The following CIBAR2 variants were observed in gnomAD, a reference collection of about 807,000 sequenced individuals.
CIBAR2 encodes CBY1 interacting BAR domain containing 2.
In CIBAR2, 38 loss-of-function variants were observed where a neutral mutation model predicts 36.2. The observed-to-expected ratio is 1.05, with a 90% confidence interval of 0.81 to 1.38. The LOEUF is 1.38. Ranked by LOEUF, CIBAR2 falls within the 40% of genes most tolerant of loss-of-function variation. The pLI is 0.00. For missense variants in CIBAR2, 481 were observed against 383.4 expected (o/e 1.25, Z -2.13); for synonymous variants, 182 against 149.5 (o/e 1.22, Z -1.58).
At chr16:85,111,041 C>A (rs576822853) in intron 1 of CIBAR2, among the ~76,000 whole-genome samples, 6 of 152,192 alleles carry the variant, frequency 3.9e-5, no homozygotes, top group African/African-American at 1.4e-4. Context: ...CCGGCGCCCC[C>A]CTGCAGCAGG....
intron 1 of CIBAR2, among the ~76,000 whole-genome samples, chr16:85,112,100 G>A (rs2074047215): frequency 6.6e-6 from 1 of 152,210 alleles, no homozygotes; most frequent in East Asian, 1.9e-4. Context: ...CAGATACACA[G>A]GCAGCGATGC....
Position 85,099,049 on chromosome 16 carries a change from C to G in CIBAR2, c.*136G>C. On this transcript the variant is annotated 3_prime_UTR_variant, in exon 9 of 9. Coordinates refer to ENST00000539556, the MANE Select transcript of CIBAR2 (RefSeq NM_198491.3). ...ATTGAACAAGTAGAAGAAGGAAATT[C>G]AGAGCTTGAAGACAAGGTCTTTGAA... 1 of 1,065,366 alleles carries G rather than the reference C, an allele frequency of 9.4e-7. No homozygotes were observed. The highest frequency in any genetic ancestry group is 3.0e-5 in the East Asian group (1 of 33,600). 66.0% of individuals were successfully genotyped at this position (1,065,366 alleles called of 1,614,324 possible). A position where few individuals can be genotyped will look rare whatever the true frequency, so the allele number is the denominator to read the frequency against.
At chr16:85,107,151 A>G (rs1002200242) in intron 5 of CIBAR2, among the ~76,000 whole-genome samples, 2 of 151,790 alleles carry the variant, frequency 1.3e-5, no homozygotes, top group Non-Finnish European at 2.9e-5. Context: ...TGTCTCTCAA[A>G]AAAAAGGGGG....
At chr16:85,108,196 C>T in intron 2 of CIBAR2, 97 bp from the exon 3 acceptor site, 5 of 1,184,010 alleles carry the variant, frequency 4.2e-6, no homozygotes, top group Non-Finnish European at 5.9e-6. Flanking sequence ...AGCCGCGTGT[C>T]CAGAGCTGTG....
chr16:85,105,137 C>T (rs1299316397), intron 6 of CIBAR2, among the ~76,000 whole-genome samples, 190 bp downstream of exon 6: 3 of 152,232 alleles, frequency 2.0e-5, no homozygotes, highest in African/African-American at 7.2e-5. Context: ...CTCTGATGCC[C>T]TGTGGCCAGG....
At chr16:85,105,960 G>C (rs1280557666) in intron 5 of CIBAR2, among the ~76,000 whole-genome samples, 7 of 152,224 alleles carry the variant, frequency 4.6e-5, no homozygotes, top group Non-Finnish European at 8.8e-5. Flanking sequence ...TTAACTGCCT[G>C]TGTGACCTTG....
chr16:85,109,094 G>C (rs914416332), intron 2 of CIBAR2, among the ~76,000 whole-genome samples: 1 of 151,652 alleles, frequency 6.6e-6, no homozygotes, highest in East Asian at 2.0e-4. Flanking sequence ...GCCGTGAGAA[G>C]TTTTATTTTT....
chr16:85,102,294 C>A lies in CIBAR2; in HGVS notation c.571G>T (p.Val191Phe), dbSNP rs779231383. 1.9e-6 allele frequency: 3 copies of A among 1,613,452 alleles called. No individual in the cohort carries two copies. The highest frequency in any genetic ancestry group is 1.7e-6 in the Non-Finnish European group (2 of 1,179,470). The change falls in exon 7 of 9, where the codon GTT becomes TTT. Residue 191 changes from valine (V) to phenylalanine (F), a missense_variant. Transcript: ENST00000539556. ...FFCDFVTIEM[V>F]FHAKAVEVYS... ...ACCTCCACCGCTTTGGCATGGAAAACCATCTCAATAGTTACAAAGTCACAA... is the reference window on the plus strand; with the variant it reads ...ACCTCCACCGCTTTGGCATGGAAAAACATCTCAATAGTTACAAAGTCACAA...
At chr16:85,111,255 C>T (rs1392495938) in intron 1 of CIBAR2, among the ~76,000 whole-genome samples, 5 of 152,164 alleles carry the variant, frequency 3.3e-5, no homozygotes, top group African/African-American at 4.8e-5. Context: ...CCCTCTGTCC[C>T]GACAGACCCT....
intron 5 of CIBAR2, among the ~76,000 whole-genome samples, chr16:85,106,376 C>T (rs2073995953): frequency 6.6e-6 from 1 of 152,186 alleles, no homozygotes; most frequent in Admixed American, 6.5e-5. Context: ...CAATATGCCC[C>T]TTCCAAGGCA....
intron 7 of CIBAR2, among the ~76,000 whole-genome samples, chr16:85,101,036 A>T (rs1167112832): frequency 1.4e-5 from 2 of 144,474 alleles, no homozygotes; most frequent in African/African-American, 2.7e-5. Context: ...ACACAGCGAG[A>T]CTCCGTCTCA....
In CIBAR2 at chr16:85,108,087, C is replaced by T; in HGVS notation, c.268G>A (p.Glu90Lys). The T allele has an allele frequency of 1.9e-6, 3 of 1,611,966 alleles. No homozygotes were observed. Among genetic ancestry groups the T allele is most frequent in the Non-Finnish European group, 2.5e-6 (3 of 1,178,714 alleles). Residue 90 changes from glutamate (E) to lysine (K), a missense_variant, in exon 3 of 9, where the codon GAG becomes AAG. Coordinates refer to ENST00000539556, the MANE Select transcript of CIBAR2 (RefSeq NM_198491.3). ...TTCAGGGGGTTGACCACCTTGGTCTCCAGCCTCTCGACCTGGGGGAGCGGG... is the reference window on the plus strand; with the variant it reads ...TTCAGGGGGTTGACCACCTTGGTCTTCAGCCTCTCGACCTGGGGGAGCGGG... ...DYRQAQVERL[E>K]TKVVNPLKLY...
intron 7 of CIBAR2, among the ~76,000 whole-genome samples, chr16:85,100,936 A>C (rs2073950581): frequency 6.6e-6 from 1 of 151,940 alleles, no homozygotes; most frequent in African/African-American, 2.4e-5. Context: ...AGTCCCAGCT[A>C]CTCGGGAGGC....
At chr16:85,105,509 T>A (rs918253553) in intron 5 of CIBAR2, 78 bp from the exon 6 acceptor site, 3 of 1,044,600 alleles carry the variant, frequency 2.9e-6, no homozygotes, top group Non-Finnish European at 4.4e-6. Flanking sequence ...AATCACTCTG[T>A]CTCTAAACCC....
chr16:85,101,682 T>TG (rs11404713), intron 7 of CIBAR2, among the ~76,000 whole-genome samples: 22,720 of 151,834 alleles, frequency 0.15, 2,896 homozygotes, highest in African/African-American at 0.34. Context: ...TTTTTGTTTT[T>TG]TTTTTTTGAT....
intron 5 of CIBAR2, 152 bp downstream of exon 5, chr16:85,107,515 C>A: frequency 1.3e-6 from 1 of 791,178 alleles, no homozygotes; most frequent in East Asian, 2.5e-5. Context: ...CCCCAGAGCC[C>A]CTTTTTACTG....
intron 8 of CIBAR2, 39 bp from the exon 9 acceptor site, chr16:85,099,385 GGGGCTGTAA>G: frequency 8.9e-7 from 1 of 1,120,990 alleles, no homozygotes; most frequent in Non-Finnish European, 1.4e-6. Flanking sequence ...AGGCCTTCCT[GGGGCTGTAA>G]GGTAACATCT....
chr16:85,102,391 G>A, intron 6 of CIBAR2, 64 bp from the exon 7 acceptor site: 1 of 950,212 alleles, frequency 1.1e-6, no homozygotes, highest in Non-Finnish European at 1.7e-6. Flanking sequence ...GGAAGCCTGG[G>A]ATGCAGGCAG....
chr16:85,108,112 G>C lies in CIBAR2; in HGVS notation c.256-13C>G. ...CCAGCCTCTCGACCTGGGGGAGCGG[G>C]GACACCAGGGGATCTGAGCGCAGGG... On this transcript the variant is annotated splice_polypyrimidine_tract_variant and intron_variant, in intron 2 of 8. Transcript: ENST00000539556. 6.2e-7 allele frequency: 1 copy of C among 1,600,992 alleles called. No homozygotes were observed. Among genetic ancestry groups the C allele is most frequent in the African/African-American group, 1.3e-5 (1 of 74,704 alleles).
Sources: gnomAD v4.1 joint callset for allele counts (sites outside exome capture counted in the v4.1 genomes callset) on GRCh38, gnomAD v4.1.1 for gene constraint, MANE v1.5 for transcripts, NCBI Gene and HGNC (gene_info 2026-07-23, HGNC 2026-07-21) for gene names.